The following LPCAT4 variants were observed in gnomAD, a reference collection of about 807,000 sequenced individuals.
The protein encoded by LPCAT4 is lysophospholipid acyltransferase LPCAT4.
In LPCAT4, 30 loss-of-function variants were observed where a neutral mutation model predicts 66.5. The observed-to-expected ratio is 0.45, with a 90% CI of 0.34 to 0.61. LPCAT4 has a LOEUF of 0.61. Ranked by LOEUF, LPCAT4 falls within the 20% of genes least tolerant of loss-of-function variation. LPCAT4 has a pLI of 0.01. For missense variants in LPCAT4, 557 were observed against 656.7 expected (o/e 0.85, Z 1.66); for synonymous variants, 253 against 262.1 (o/e 0.97, Z 0.34).
intron 10 of LPCAT4, 107 bp downstream of exon 10, chr15:34,362,089 T>G: frequency 1.4e-6 from 2 of 1,413,166 alleles, no homozygotes; most frequent in Non-Finnish European, 2.0e-6. Flanking sequence ...TTCCCAGTTT[T>G]TTTCATTTTT....
At chr15:34,359,851 A>T (rs1890900469) in intron 12 of LPCAT4, 106 bp from the exon 13 acceptor site, 4 of 1,243,880 alleles carry the variant, frequency 3.2e-6, no homozygotes, top group Non-Finnish European at 4.4e-6. Flanking sequence ...AGGGTGGTGC[A>T]CAAGCCTTCC....
At position 34,359,278 on chromosome 15, in the gene LPCAT4, T is replaced by C. The variant is rs1194089276; in HGVS notation, c.1424A>G (p.His475Arg). Residue 475 changes from histidine to arginine, a missense_variant, in exon 14 of 14, where the codon CAT (histidine) becomes CGT (arginine). His to Arg is a conservative substitution (Grantham distance 29, BLOSUM62 0). Transcript: ENST00000314891. Reference sequence around the variant, plus strand: ...GAAGAGTTTCCCATAGAGTGGGTCATGGAGGGAGAAGTTCTGGAACTGACC... The same window carrying C: ...GAAGAGTTTCCCATAGAGTGGGTCACGGAGGGAGAAGTTCTGGAACTGACC... ...SLCQFQNFSL[H>R]DPLYGKLFST... 7.8e-6 allele frequency: 12 copies of C among 1,543,308 alleles called. No homozygotes were observed. Among genetic ancestry groups the C allele is most frequent in the Non-Finnish European group, 1.0e-5 (12 of 1,143,944 alleles).
Position 34,362,283 on chromosome 15 carries a change from C to T in LPCAT4, c.923G>A (p.Gly308Glu). The T allele has an allele frequency of 2.5e-6, 4 of 1,614,138 alleles. No homozygotes were observed. Among genetic ancestry groups the T allele is most frequent in the Non-Finnish European group, 3.4e-6 (4 of 1,180,014 alleles). ...GCCCACCACAATCACAGGTAAGCTC[C>T]CTACAAACTCACATTCGGTGGCTGG... Reference protein sequence around the residue: ...GIPATECEFVGSLPVIVVGRL... With the variant: ...GIPATECEFVESLPVIVVGRL... Residue 308 changes from glycine to glutamate, a missense_variant, in exon 10 of 14, where the codon GGG becomes GAG. Gly to Glu is a moderately conservative substitution (Grantham distance 98, BLOSUM62 -2). Transcript: ENST00000314891.
rs1338226184 is a variant in LPCAT4, at chr15:34,367,045, G to C, written c.56C>G (p.Pro19Arg). 1 of 1,560,780 alleles carries C rather than the reference G, an allele frequency of 6.4e-7. No individual in the cohort carries two copies. The highest frequency in any genetic ancestry group is 2.3e-5 in the East Asian group (1 of 42,564). The change falls in exon 1 of 14, where the codon CCA (proline) becomes CGA (arginine). Residue 19 changes from proline (P) to arginine (R), a missense_variant. Pro to Arg is a moderately radical substitution (Grantham distance 103). Coordinates refer to ENST00000314891, the MANE Select transcript of LPCAT4 (RefSeq NM_153613.3). Reference sequence around the variant, plus strand: ...ATGCACGAAGGGGTTGGGGGATGCTGGGGGTCCGGGGGTGGGATCTAGGGG... The same window carrying C: ...ATGCACGAAGGGGTTGGGGGATGCTCGGGGTCCGGGGGTGGGATCTAGGGG... Reference protein sequence around the residue: ...WAPLDPTPGPPASPNPFVHEL... With the variant: ...WAPLDPTPGPRASPNPFVHEL...
At chr15:34,361,883 G>C (rs993861816) in intron 10 of LPCAT4, among the ~76,000 whole-genome samples, 1 of 152,120 alleles carries the variant, frequency 6.6e-6, no homozygotes, top group East Asian at 1.9e-4. Context: ...ATTTTTAGCA[G>C]AGATGGGGTT....
intron 3 of LPCAT4, 115 bp from the exon 4 acceptor site, chr15:34,364,421 T>TTTTC: frequency 3.2e-6 from 2 of 622,356 alleles, no homozygotes; most frequent in East Asian, 5.8e-5. Context: ...CTTTTTTTTT[T>TTTTC]TTTTCTGTTG....
Position 34,363,690 on chromosome 15 carries a change from G to A in LPCAT4, c.682C>T (p.Pro228Ser). The A allele has an allele frequency of 6.2e-7, 1 of 1,614,120 alleles. No individual in the cohort carries two copies. Among genetic ancestry groups the A allele is most frequent in the Non-Finnish European group, 8.5e-7 (1 of 1,180,022 alleles). The change falls in exon 6 of 14, where the codon CCT (proline) becomes TCT (serine). Residue 228 changes from proline (P) to serine (S), a missense_variant. By Grantham distance (74) the Pro-to-Ser change is moderately conservative (BLOSUM62 -1). Coordinates refer to ENST00000314891, the MANE Select transcript of LPCAT4 (RefSeq NM_153613.3). The surrounding 1 kb of genome is among the most constrained non-coding windows in gnomAD (Gnocchi z 4.3). Reference sequence around the variant, plus strand: ...CTGTTGGGGTAGCGGATGAGGACAGGCTGCACAGGCACCCCTGCGATGAAG... The same window carrying A: ...CTGTTGGGGTAGCGGATGAGGACAGACTGCACAGGCACCCCTGCGATGAAG... The part of the protein sequence containing the change: ...GAFIAGVPVQ[P>S]VLIRYPNSLD...
rs1288157442 is a variant in LPCAT4 at position 34,366,979 on chromosome 15, C to T, written c.114+8G>A. ...GGGTCCTTCCGACGCCCGCTCCCCA[C>T]ACATTACCTTAACCCTCTGGAGGCG... On this transcript the variant is annotated splice_region_variant and intron_variant, in intron 1 of 13. Transcript: ENST00000314891. 6.4e-7 allele frequency: 1 copy of T among 1,554,390 alleles called. No homozygotes were observed. Among genetic ancestry groups the T allele is most frequent in the Non-Finnish European group, 8.7e-7 (1 of 1,147,018 alleles).
At chr15:34,359,911 C>G in intron 12 of LPCAT4, 166 bp from the exon 13 acceptor site, 1 of 800,812 alleles carries the variant, frequency 1.2e-6, no homozygotes, top group Admixed American at 2.9e-5. Context: ...ATAGCTTTTT[C>G]CTTCTTCTTC....
intron 12 of LPCAT4, 175 bp downstream of exon 12, chr15:34,359,936 C>A: frequency 1.2e-6 from 1 of 804,922 alleles, no homozygotes. Flanking sequence ...TTCTTGTGCC[C>A]AGCTAGGTCT....
chr15:34,359,593 G>A lies in LPCAT4; in HGVS notation c.1395C>T (p.Ser465=), dbSNP rs755179816. ...GCTGAGAAGGCAGTGACTCACAGAG[G>A]GAGAGGCCTTGGCTGGATCCTGCCT... ...LCQAGSSQGL[S]LCQFQNFSLH... Residue 465 remains serine, a synonymous_variant, in exon 13 of 14, where the codon TCC becomes TCT. Transcript: ENST00000314891. 41 of 1,612,012 alleles carry A rather than the reference G, an allele frequency of 2.5e-5. No individual in the cohort carries two copies. Among genetic ancestry groups the A allele is most frequent in the Non-Finnish European group, 3.4e-5 (40 of 1,179,732 alleles).
chr15:34,366,092 T>C (rs78911085), intron 1 of LPCAT4: 7,289 of 174,224 alleles, frequency 0.042, 256 homozygotes, highest in South Asian at 0.12. Context: ...ATAGCTCCTA[T>C]GCCCAACAGA....
At chr15:34,364,681 C>T (rs1454602017) in intron 3 of LPCAT4, 19 of 294,416 alleles carry the variant, frequency 6.5e-5, no homozygotes, top group Middle Eastern at 1.0e-3. Context: ...CTCGAACTCC[C>T]GACCTCAGGT....
In LPCAT4 at chr15:34,359,603, T is replaced by G. The variant is rs748185622; in HGVS notation, c.1385A>C (p.Gln462Pro). Residue 462 changes from glutamine to proline, a missense_variant, in exon 13 of 14, where the codon CAA becomes CCA. Coordinates refer to ENST00000314891, the MANE Select transcript of LPCAT4 (RefSeq NM_153613.3). ...HAELCQAGSS[Q>P]GLSLCQFQNF... ...CAGTGACTCACAGAGGGAGAGGCCT[T>G]GGCTGGATCCTGCCTGGCACAGCTC... 6.2e-7 allele frequency: 1 copy of G among 1,612,556 alleles called. No individual in the cohort carries two copies. Among genetic ancestry groups the G allele is most frequent in the South Asian group, 1.1e-5 (1 of 90,986 alleles).
At position 34,363,013 on chromosome 15, in the gene LPCAT4, A is replaced by ACAAGGAACGGC; in HGVS notation, c.747-188_747-178dup. 1 of 667,442 alleles carries ACAAGGAACGGC rather than the reference A, an allele frequency of 1.5e-6. No homozygotes were observed. The highest frequency in any genetic ancestry group is 2.7e-6 in the Non-Finnish European group (1 of 376,748). The allele number at this position is 667,442 out of a possible 1,614,324, so 41.3% of individuals were successfully genotyped here. A position where few individuals can be genotyped will look rare whatever the true frequency, so the allele number is the denominator to read the frequency against. The stretch of plus-strand genomic sequence containing the variant: ...GTGGGTGAATATGCAGTTGGGAGAC[A>ACAAGGAACGGC]CAAGGAACGGCCAGAAACGCGGTAG... On this transcript the variant is annotated intron_variant, in intron 7 of 13. Transcript: ENST00000314891. This position sits in a 1 kb window ranked among gnomAD's most constrained non-coding sequence, Gnocchi z 4.3.
chr15:34,365,633 GAGGAGAAAGAGGACGATAA>G lies in LPCAT4; in HGVS notation c.164_182del (p.Phe55SerfsTer34). On this transcript the variant is annotated frameshift_variant, in exon 2 of 14. Coordinates refer to ENST00000314891, the MANE Select transcript of LPCAT4 (RefSeq NM_153613.3). LOFTEE classifies it high-confidence loss of function. ...CCACTTGAAGCCAGGCAAAGGGCCA[GAGGAGAAAGAGGACGATAA>G]AGGCCAGAAGCACTCGGATGGGGGC... 1.9e-6 allele frequency: 3 copies of G among 1,614,244 alleles called. No individual in the cohort carries two copies. The highest frequency in any genetic ancestry group is 2.5e-6 in the Non-Finnish European group (3 of 1,180,048).
In LPCAT4 at chr15:34,363,900, C is replaced by T. The variant is rs979631953; in HGVS notation, c.652+113G>A. ...GCATTAGCTAGGAGGTTCCTGGTCT[C>T]CCTTCCTCTCCCATCCCTCCCCCTC... On this transcript the variant is annotated intron_variant, in intron 5 of 13. Transcript: ENST00000314891. The surrounding 1 kb of genome is among the most constrained non-coding windows in gnomAD (Gnocchi z 4.3). 1.5e-6 allele frequency: 2 copies of T among 1,315,892 alleles called. No homozygotes were observed. The highest frequency in any genetic ancestry group is 2.9e-5 in the African/African-American group (2 of 68,402). 81.5% of individuals were successfully genotyped at this position (1,315,892 alleles called of 1,614,324 possible). A position where few individuals can be genotyped will look rare whatever the true frequency, so the allele number is the denominator to read the frequency against.
In LPCAT4 at chr15:34,360,124, C is replaced by G; in HGVS notation, c.1229G>C (p.Arg410Pro). Residue 410 changes from arginine (R) to proline (P), a missense_variant, in exon 12 of 14, where the codon CGT (arginine) becomes CCT (proline). This residue lies in a region of LPCAT4 where 392 missense variants were observed against 473.9 expected (regional missense o/e 0.83). Coordinates refer to ENST00000314891, the MANE Select transcript of LPCAT4 (RefSeq NM_153613.3). ...ACCCCCCATTACCTCAAAGGCCAGA[C>G]GAGTTAGCTCTTCCAGGCTCCTGCC... is the stretch of plus-strand genomic sequence containing the variant. ...DGGRSLEELTRLAFELFAEEQ... is the reference protein window; with the variant it reads ...DGGRSLEELTPLAFELFAEEQ... 6 of 1,612,656 alleles carry G rather than the reference C, an allele frequency of 3.7e-6. No homozygotes were observed. The highest frequency in any genetic ancestry group is 5.1e-6 in the Non-Finnish European group (6 of 1,179,100).
rs1316643553 is a variant in LPCAT4 at position 34,362,805 on chromosome 15, G to A, written c.778C>T (p.Pro260Ser). 2 of 1,614,210 alleles carry A rather than the reference G, an allele frequency of 1.2e-6. No homozygotes were observed. The highest frequency in any genetic ancestry group is 1.7e-5 in the Admixed American group (1 of 60,028). ...ACCTCCACATCCACAATGCTGCAGG[G>A]CTGAGAGGCTGTGAGCCAGAGGACT... ...LKVLWLTASQPCSIVDVEFLP... is the reference protein window; with the variant it reads ...LKVLWLTASQSCSIVDVEFLP... Residue 260 changes from proline to serine, a missense_variant, in exon 8 of 14, where the codon CCC (proline) becomes TCC (serine). Coordinates refer to ENST00000314891, the MANE Select transcript of LPCAT4 (RefSeq NM_153613.3).
Sources: gnomAD v4.1 joint callset for allele counts (sites outside exome capture counted in the v4.1 genomes callset) on GRCh38, gnomAD v4.1.1 for gene constraint, gnomAD v4.1.1 regional missense constraint, Gnocchi (gnomAD v3.1) non-coding constraint, MANE v1.5 for transcripts, NCBI Gene and HGNC (gene_info 2026-07-23, HGNC 2026-07-21) for gene names.